LYPD4: variants seen among roughly 807,000 people sequenced by gnomAD.
The protein encoded by LYPD4 is ly6/PLAUR domain-containing protein 4.
A neutral mutation model predicts 18.2 loss-of-function variants in LYPD4; 20 were observed. That is an observed-to-expected ratio of 1.10 (90% CI 0.77 to 1.59). The LOEUF is 1.59. LYPD4 is among the 40% of genes most tolerant of loss of function. The pLI is 0.00. For missense variants in LYPD4, 278 were observed against 300.3 expected (o/e 0.93, Z 0.55); for synonymous variants, 111 against 118.3 (o/e 0.94, Z 0.40).
intron 1 of LYPD4, among the ~76,000 whole-genome samples, chr19:41,840,615 G>A (rs1376941027): frequency 2.0e-5 from 3 of 152,054 alleles, no homozygotes; most frequent in Non-Finnish European, 4.4e-5. Flanking sequence ...GGCAGATCAC[G>A]AGGTCAGGAG....
At chr19:41,837,680 C>T (rs1276692790) in intron 4 of LYPD4, among the ~76,000 whole-genome samples, 5 of 149,462 alleles carry the variant, frequency 3.3e-5, no homozygotes, top group African/African-American at 7.4e-5. Flanking sequence ...GGCAACAGAG[C>T]AAGACTCCCA....
At chr19:41,835,905 T>C (rs113384142), downstream of LYPD4, 20 of 886,132 alleles carry the variant, frequency 2.3e-5, no homozygotes, top group African/African-American at 2.9e-4. Context: ...TTTAATAAGG[T>C]TGTAGTAAGG....
At chr19:41,841,919 A>G (rs2073608018) in intron 1 of LYPD4, among the ~76,000 whole-genome samples, 1 of 152,214 alleles carries the variant, frequency 6.6e-6, no homozygotes, top group South Asian at 2.1e-4. Context: ...CCAGGATCTC[A>G]GGCCCAAAGC....
At position 41,839,389 on chromosome 19, in the gene LYPD4, T is replaced by C; in HGVS notation, c.-104A>G. 7 of 1,073,390 alleles carry C rather than the reference T, an allele frequency of 6.5e-6. No homozygotes were observed. In the South Asian group the frequency reaches 9.2e-5, roughly 14 times the overall value. 66.5% of individuals were successfully genotyped at this position (1,073,390 alleles called of 1,614,324 possible). ...AGTCCCCGAATTCTTTGTCCACCTGTCTCTGGGTCACTGTTTCTGGAGCAG... is the reference window on the plus strand; with the variant it reads ...AGTCCCCGAATTCTTTGTCCACCTGCCTCTGGGTCACTGTTTCTGGAGCAG... On this transcript the variant is annotated 5_prime_UTR_variant, in exon 2 of 5. Coordinates refer to ENST00000609812, the MANE Select transcript of LYPD4 (RefSeq NM_173506.7).
chr19:41,836,321 A>AAAAAAAAAAAAAAAAAAAAAAAAC (rs2073373244), downstream of LYPD4, among the ~76,000 whole-genome samples: 1 of 136,572 alleles, frequency 7.3e-6, no homozygotes, highest in East Asian at 2.0e-4. Flanking sequence ...AAAAAAAAAA[A>AAAAAAAAAAAAAAAAAAAAAAAAC]AAAAAACAAC....
rs2073492792 is a variant in LYPD4, at chr19:41,839,228, T to C, written c.58A>G (p.Thr20Ala). 1 of 1,613,764 alleles carries C rather than the reference T, an allele frequency of 6.2e-7. No homozygotes were observed. Among genetic ancestry groups the C allele is most frequent in the Non-Finnish European group, 8.5e-7 (1 of 1,179,960 alleles). Residue 20 changes from threonine to alanine, a missense_variant, in exon 2 of 5, where the codon ACT (threonine) becomes GCT (alanine). By Grantham distance (58) the Thr-to-Ala change is moderately conservative (BLOSUM62 0). Coordinates refer to ENST00000609812, the MANE Select transcript of LYPD4 (RefSeq NM_173506.7). ...QLFCLLGAISTLPRAGALLCY... is the reference protein window; with the variant it reads ...QLFCLLGAISALPRAGALLCY... ...GCCCCACAGGACATACGAGGCAGAG[T>C]GGAGATGGCCCCTAGAAGGCAGAAC...
rs1203554511 is a variant in LYPD4 at position 41,838,070 on chromosome 19, T to C, written c.403A>G (p.Ile135Val). 20 of 1,614,162 alleles carry C rather than the reference T, an allele frequency of 1.2e-5. No individual in the cohort carries two copies. Among genetic ancestry groups the C allele is most frequent in the Non-Finnish European group, 1.6e-5 (19 of 1,180,020 alleles). ...GGGCAGCTACAGGACGCAGATGTGA[T>C]AGACTTAGGAGTGCTGGCCTTGAGT... ...VKLKASTPKS[I>V]TSASCSCPTC... The change falls in exon 4 of 5, where the codon ATC becomes GTC. Residue 135 changes from isoleucine to valine, a missense_variant. Coordinates refer to ENST00000609812, the MANE Select transcript of LYPD4 (RefSeq NM_173506.7).
chr19:41,838,764 T>G, intron 3 of LYPD4, 117 bp downstream of exon 3: 1 of 552,552 alleles, frequency 1.8e-6, no homozygotes, highest in African/African-American at 2.0e-5. Flanking sequence ...TATACATATA[T>G]ATATATATGT....
chr19:41,838,524 A>C (rs2073455653), intron 3 of LYPD4, among the ~76,000 whole-genome samples: 1 of 151,672 alleles, frequency 6.6e-6, no homozygotes, highest in South Asian at 2.1e-4. Context: ...GTCCACCTCC[A>C]TTCTACCCAC....
chr19:41,842,578 C>T (rs2073630213), intron 1 of LYPD4, among the ~76,000 whole-genome samples: 1 of 151,172 alleles, frequency 6.6e-6, no homozygotes, highest in South Asian at 2.1e-4. Flanking sequence ...GTCAACATGG[C>T]AAAATCCTGA....
chr19:41,843,360 T>G (rs1162565333), intron 1 of LYPD4, among the ~76,000 whole-genome samples: 1 of 152,062 alleles, frequency 6.6e-6, no homozygotes, highest in Non-Finnish European at 1.5e-5. Context: ...CATAGGGTCA[T>G]TGTGAAGATC....
chr19:41,837,800 T>A, intron 4 of LYPD4, 135 bp downstream of exon 4: 1 of 948,870 alleles, frequency 1.1e-6, no homozygotes. Context: ...CCCTTCCTCC[T>A]TGGAATTCAT....
intron 3 of LYPD4, among the ~76,000 whole-genome samples, chr19:41,838,472 A>G (rs1387621026): frequency 6.6e-6 from 1 of 151,518 alleles, no homozygotes; most frequent in African/African-American, 2.4e-5. Flanking sequence ...GACCTCCCCC[A>G]GCCCCCACTC....
At chr19:41,835,282 G>C (rs1555830063), downstream of LYPD4, 1 of 152,180 alleles carries the variant, frequency 6.6e-6, no homozygotes, top group African/African-American at 2.4e-5. Context: ...CATGGGGTTT[G>C]TTAAATCACA....
At chr19:41,837,465 C>T in intron 4 of LYPD4, 120 bp from the exon 5 acceptor site, 2 of 1,050,308 alleles carry the variant, frequency 1.9e-6, no homozygotes, top group Non-Finnish European at 2.8e-6. Context: ...GCAGGTGGAT[C>T]ACTTGAGGAC....
chr19:41,836,238 C>T (rs2073369695), downstream of LYPD4, among the ~76,000 whole-genome samples: 1 of 120,506 alleles, frequency 8.3e-6, no homozygotes, highest in Non-Finnish European at 1.6e-5. Context: ...GGGTGAAAAA[C>T]AACCACCCCA....
chr19:41,838,294 A>G (rs2073443813), intron 3 of LYPD4, 33 bp from the exon 4 acceptor site: 1 of 1,487,324 alleles, frequency 6.7e-7, no homozygotes, highest in Non-Finnish European at 8.9e-7. Flanking sequence ...AGCTCAGATC[A>G]GTGTCACTGG....
chr19:41,839,078 C>G, intron 2 of LYPD4, 54 bp from the exon 3 acceptor site: 1 of 1,610,174 alleles, frequency 6.2e-7, no homozygotes, highest in Non-Finnish European at 8.5e-7. Context: ...CTTCTGAGCC[C>G]GTTAACTGCC....
Position 41,837,322 on chromosome 19 carries a change from G to T in LYPD4, c.562C>A (p.Leu188Ile). The T allele has an allele frequency of 6.2e-7, 1 of 1,614,016 alleles. No individual in the cohort carries two copies. Among genetic ancestry groups the T allele is most frequent in the South Asian group, 1.1e-5 (1 of 91,070 alleles). The part of the protein sequence containing the change: ...QAGFLNTTFL[L>I]MGCAREHNQL... Reference sequence around the variant, plus strand: ...TTATGTTCACGAGCACACCCCATGAGGAGGAAGGTGGTATTGAGAAACCCT... The same window carrying T: ...TTATGTTCACGAGCACACCCCATGATGAGGAAGGTGGTATTGAGAAACCCT... Residue 188 changes from leucine (L) to isoleucine (I), a missense_variant, in exon 5 of 5, where the codon CTC becomes ATC. By Grantham distance (5) the Leu-to-Ile change is conservative. Transcript: ENST00000609812.
Sources: allele counts gnomAD v4.1 joint callset (sites outside exome capture counted in the v4.1 genomes callset), GRCh38; gene constraint gnomAD v4.1.1; transcripts MANE v1.5; gene names NCBI Gene and HGNC (gene_info 2026-07-23, HGNC 2026-07-21).